The following PER3 variants were observed in gnomAD, a reference collection of about 807,000 sequenced individuals.
PER3 encodes the protein period circadian regulator 3.
PER3 carries 107 observed loss-of-function variants against 127.2 expected under a neutral mutation model. That is an observed-to-expected ratio of 0.84 (90% CI 0.72 to 0.99). The LOEUF is 0.99. Among genes scored for constraint, PER3 ranks in the 50% least tolerant of loss-of-function variants. PER3 has a pLI of 0.00. For missense variants in PER3, 1,560 were observed against 1,525.8 expected (o/e 1.02, Z -0.37); for synonymous variants, 618 against 585.8 (o/e 1.05, Z -0.79).
chr1:7,830,311 A>G (rs1311990601), intron 19 of PER3, 150 bp downstream of exon 19: 3 of 671,588 alleles, frequency 4.5e-6, no homozygotes, highest in East Asian at 5.4e-5. Flanking sequence ...ATATTGGGGT[A>G]TATTTATACA....
intron 10 of PER3, chr1:7,804,067 ACT>A (rs2097182237): frequency 5.1e-6 from 2 of 395,098 alleles, no homozygotes; most frequent in Non-Finnish European, 9.0e-6. Flanking sequence ...CATTAAGTAA[ACT>A]CTGGAATATT....
At chr1:7,798,413 A>C in intron 6 of PER3, 112 bp from the exon 7 acceptor site, 2 of 764,646 alleles carry the variant, frequency 2.6e-6, no homozygotes, top group East Asian at 5.1e-5. Context: ...AACATTTTAG[A>C]TGTGGGTATG....
intron 15 of PER3, 71 bp downstream of exon 15, chr1:7,820,310 C>CT: frequency 6.6e-7 from 1 of 1,513,756 alleles, no homozygotes; most frequent in Admixed American, 1.9e-5. Context: ...TCTTTAATGT[C>CT]TTATATTGTT....
chr1:7,844,436 TAACC>T lies in PER3; in HGVS notation c.*1683_*1686del, dbSNP rs1366946075. 4.6e-5 allele frequency: 7 copies of T among 152,578 alleles called. No homozygotes were observed. Among genetic ancestry groups the T allele is most frequent in the African/African-American group, 1.7e-4 (7 of 41,464 alleles). The allele number at this position is 152,578 out of a possible 1,614,324, so 9.5% of individuals were successfully genotyped here. A position where few individuals can be genotyped will look rare whatever the true frequency, so the allele number is the denominator to read the frequency against. ...GATAGAGAATCAAATTTGAAACAATTAACCAGCCAGTAGATTGTCTGTCAGTGAC... is the reference window on the plus strand; with the variant it reads ...GATAGAGAATCAAATTTGAAACAATTAGCCAGTAGATTGTCTGTCAGTGAC... On this transcript the variant is annotated 3_prime_UTR_variant, in exon 22 of 22. Transcript: ENST00000377532.
rs756907089 is a variant in PER3 at position 7,827,481 on chromosome 1, A to T, written c.2552A>T (p.Tyr851Phe). 1.9e-6 allele frequency: 3 copies of T among 1,614,070 alleles called. No individual in the cohort carries two copies. Among genetic ancestry groups the T allele is most frequent in the South Asian group, 1.1e-5 (1 of 91,074 alleles). The change falls in exon 18 of 22, where the codon TAC (tyrosine) becomes TTC (phenylalanine). Residue 851 changes from tyrosine to phenylalanine, a missense_variant. Physicochemically the swap from Tyr to Phe is conservative, Grantham distance 22. This residue lies in a region of PER3 where 1,332 missense variants were observed against 1,223.6 expected (regional missense o/e 1.09). Coordinates refer to ENST00000377532, the MANE Select transcript of PER3 (RefSeq NM_001377275.1). ...CCTTACCCAGCTTTCCCTTTTCCTT[A>T]CTTGGATACTTTTATGACCGTTTTC... is the stretch of plus-strand genomic sequence containing the variant. ...LQPYPAFPFPYLDTFMTVFLP... is the reference protein window; with the variant it reads ...LQPYPAFPFPFLDTFMTVFLP...
Position 7,835,901 on chromosome 1 carries a change from G to A in PER3, c.3354G>A (p.Arg1118=). Reference sequence around the variant, plus strand: ...AAGAGCCCATCTGGAGAATGATACGGCAGACACCTGAGCGCATTCTCATGA... The same window carrying A: ...AAGAGCCCATCTGGAGAATGATACGACAGACACCTGAGCGCATTCTCATGA... ...VAEEPIWRMI[R]QTPERILMTY... The change falls in exon 20 of 22, where the codon CGG becomes CGA. Residue 1118 remains arginine, a synonymous_variant. Transcript: ENST00000377532. The A allele has an allele frequency of 6.2e-7, 1 of 1,611,598 alleles. No individual in the cohort carries two copies. Among genetic ancestry groups the A allele is most frequent in the Non-Finnish European group, 8.5e-7 (1 of 1,177,696 alleles).
In PER3 at chr1:7,827,163, G is replaced by A. The variant is rs762732289; in HGVS notation, c.2234G>A (p.Gly745Glu). ...KQTRSAGCRK[G>E]KHKRKKLPEP... ...ACGCGGTCGGCCGGCTGCAGGAAAG[G>A]GAAGCACAAGCGGAAGAAGCTGCCG... Residue 745 changes from glycine (G) to glutamate (E), a missense_variant, in exon 18 of 22, where the codon GGG becomes GAG. Gly to Glu is a moderately conservative substitution (Grantham distance 98, BLOSUM62 -2). Around this residue, in one of 3 missense-constraint regions of PER3, gnomAD observed 1,332 missense variants for 1,223.6 expected, o/e 1.09. Coordinates refer to ENST00000377532, the MANE Select transcript of PER3 (RefSeq NM_001377275.1). 3 of 1,611,642 alleles carry A rather than the reference G, an allele frequency of 1.9e-6. No individual in the cohort carries two copies. Among genetic ancestry groups the A allele is most frequent in the Middle Eastern group, 1.7e-4 (1 of 6,054 alleles).
intron 20 of PER3, among the ~76,000 whole-genome samples, chr1:7,836,435 T>A (rs1328544863): frequency 6.6e-6 from 1 of 152,180 alleles, no homozygotes; most frequent in African/African-American, 2.4e-5. Flanking sequence ...CACCTCGGCC[T>A]CCCAAAGTGC....
At position 7,843,848 on chromosome 1, in the gene PER3, TGA is replaced by T. The variant is rs536615550; in HGVS notation, c.*1095_*1096del. 1.2e-3 allele frequency: 1,272 copies of T among 1,105,264 alleles called. 2 individuals are homozygous for T. The highest frequency in any genetic ancestry group is 1.5e-3 in the Admixed American group (42 of 27,370). 68.5% of individuals were successfully genotyped at this position (1,105,264 alleles called of 1,614,324 possible). ...GTTTGTAGTTGTGTCTTTTAAGAAG[TGA>T]GTGTGATTGTTTACTTGATAAATCA... On this transcript the variant is annotated 3_prime_UTR_variant, in exon 22 of 22. Transcript: ENST00000377532.
chr1:7,818,374 T>C (rs2097260870), intron 13 of PER3, among the ~76,000 whole-genome samples: 1 of 152,236 alleles, frequency 6.6e-6, no homozygotes, highest in African/African-American at 2.4e-5. Context: ...CATTTTTCCA[T>C]AATATGCTCT....
intron 5 of PER3, among the ~76,000 whole-genome samples, chr1:7,793,608 G>T (rs1483180965): frequency 6.6e-6 from 1 of 152,106 alleles, no homozygotes; most frequent in Non-Finnish European, 1.5e-5. Context: ...TATTACAATG[G>T]GATGGAATAT....
At chr1:7,842,536 G>T in intron 21 of PER3, 136 bp from the exon 22 acceptor site, 4 of 814,590 alleles carry the variant, frequency 4.9e-6, no homozygotes, top group Non-Finnish European at 5.0e-6. Flanking sequence ...TAATAATAAA[G>T]AATGAACTAT....
chr1:7,786,477 TTTAG>T (rs150031060), intron 3 of PER3, among the ~76,000 whole-genome samples: 11,306 of 152,284 alleles, frequency 0.074, 521 homozygotes, highest in Middle Eastern at 0.13. Context: ...ATCTGAAATT[TTTAG>T]TTAGTACCTT....
rs976841461 is a variant in PER3 at position 7,826,370 on chromosome 1, C to T, written c.1958-110C>T. On this transcript the variant is annotated intron_variant, in intron 16 of 21. Coordinates refer to ENST00000377532, the MANE Select transcript of PER3 (RefSeq NM_001377275.1). This position sits in a 1 kb window ranked among gnomAD's most constrained non-coding sequence, Gnocchi z 4.2. The stretch of plus-strand genomic sequence containing the variant: ...AGGCTAATGAAGATTTTTCGTATTC[C>T]AGCAGTTATAATAATGTTTGTAAAA... The T allele has an allele frequency of 2.6e-5, 17 of 660,322 alleles. No individual in the cohort carries two copies. Among genetic ancestry groups the T allele is most frequent in the Admixed American group, 8.2e-5 (3 of 36,694 alleles). The allele number at this position is 660,322 out of a possible 1,614,324, so 40.9% of individuals were successfully genotyped here. A position where few individuals can be genotyped will look rare whatever the true frequency, so the allele number is the denominator to read the frequency against.
At chr1:7,835,727 G>C (rs2097355008) in intron 19 of PER3, 35 bp from the exon 20 acceptor site, 1 of 1,494,586 alleles carries the variant, frequency 6.7e-7, no homozygotes, top group South Asian at 1.2e-5. Context: ...AGTCGGACAG[G>C]TCTTTTCTAA....
At position 7,796,319 on chromosome 1, in the gene PER3, C is replaced by CTTTTTTTTTTT. The variant is rs71567315; in HGVS notation, c.645-2199_645-2189dup. Among the ~76,000 whole-genome samples the CTTTTTTTTTTT allele has an allele frequency of 4.1e-3, 454 of 109,742 alleles. 21 individuals carry two copies. Among genetic ancestry groups the CTTTTTTTTTTT allele is most frequent in the Middle Eastern group, 9.3e-3 (1 of 108 alleles). The allele number at this position is 109,742 out of a possible 152,430, so 72.0% of individuals were successfully genotyped here. On this transcript the variant is annotated intron_variant, in intron 6 of 21. Coordinates refer to ENST00000377532, the MANE Select transcript of PER3 (RefSeq NM_001377275.1). ...GGTAGGAAACGTTCATTTCAGTTTC[C>CTTTTTTTTTTT]TTTTTTTTTTTTTTTTTGAGACAGG...
chr1:7,840,153 G>A (rs1412190543), intron 21 of PER3, among the ~76,000 whole-genome samples: 6 of 151,758 alleles, frequency 4.0e-5, no homozygotes, highest in East Asian at 1.9e-4. Context: ...TGCTTAGATC[G>A]GCTTTTGAAT....
chr1:7,814,846 GTATTT>G (rs1252485265), intron 13 of PER3, among the ~76,000 whole-genome samples: 2 of 152,278 alleles, frequency 1.3e-5, no homozygotes, highest in African/African-American at 4.8e-5. Flanking sequence ...ATTTGAAACA[GTATTT>G]TATTATTTGG....
chr1:7,794,518 C>T (rs890462065), intron 6 of PER3, among the ~76,000 whole-genome samples: 3 of 151,598 alleles, frequency 2.0e-5, no homozygotes, highest in South Asian at 2.1e-4. Context: ...AATAATAATG[C>T]GATAGGAAAA....
Sources: gnomAD v4.1 joint callset for allele counts (sites outside exome capture counted in the v4.1 genomes callset) on GRCh38, gnomAD v4.1.1 for gene constraint, gnomAD v4.1.1 regional missense constraint, Gnocchi (gnomAD v3.1) non-coding constraint, MANE v1.5 for transcripts, NCBI Gene and HGNC (gene_info 2026-07-23, HGNC 2026-07-21) for gene names.